Variants in PTPRA observed in about 807,000 individuals in gnomAD.
The protein encoded by PTPRA is receptor-type tyrosine-protein phosphatase alpha.
A neutral mutation model predicts 104.8 loss-of-function variants in PTPRA; 25 were observed. The ratio of observed to expected loss-of-function variants is 0.24; its 90% CI spans 0.17 to 0.33. The LOEUF (loss-of-function observed/expected upper bound fraction) is 0.33, where lower values mean the gene tolerates loss of function less well. Ranked by LOEUF, PTPRA falls within the 10% of genes least tolerant of loss-of-function variation. The probability of loss-of-function intolerance (pLI) is 1.00; values close to 1 mark genes in which losing one functional copy is unlikely to be tolerated. For synonymous variants in PTPRA, 323 were observed against 368.9 expected (o/e 0.88, Z 1.43); for missense variants, 765 against 1,015.3 (o/e 0.75, Z 3.35).
intron 3 of PTPRA, among the ~76,000 whole-genome samples, chr20:2,956,949 G>A (rs1366744889): frequency 6.6e-6 from 1 of 152,190 alleles, no homozygotes; most frequent in Admixed American, 6.5e-5. Context: ...TGCCAATGCA[G>A]CATTATCAAA....
chr20:2,876,808 T>C (rs899590797), intron 1 of PTPRA, among the ~76,000 whole-genome samples: 6 of 152,198 alleles, frequency 3.9e-5, no homozygotes, highest in African/African-American at 1.4e-4. Context: ...CCAAAGTGTA[T>C]AGCTGGATAG....
chr20:2,936,462 C>CT (rs1163120264), intron 2 of PTPRA, among the ~76,000 whole-genome samples: 2 of 151,360 alleles, frequency 1.3e-5, no homozygotes, highest in African/African-American at 4.9e-5. Flanking sequence ...CATGCCTGGC[C>CT]TAGGTCTTTT....
chr20:2,923,536 C>T (rs1007251429), intron 2 of PTPRA, among the ~76,000 whole-genome samples: 9 of 151,582 alleles, frequency 5.9e-5, no homozygotes, highest in Non-Finnish European at 1.0e-4. Context: ...TGGTGGATCA[C>T]GCCTGTAATC....
At chr20:3,002,462 G>A (rs1343725649) in intron 9 of PTPRA, among the ~76,000 whole-genome samples, 1 of 151,724 alleles carries the variant, frequency 6.6e-6, no homozygotes, top group Non-Finnish European at 1.5e-5. Context: ...AAGTAGCTGG[G>A]GTTACAGGCA....
At chr20:3,020,066 AAG>A (rs954901618) in intron 13 of PTPRA, among the ~76,000 whole-genome samples, 6 of 151,824 alleles carry the variant, frequency 4.0e-5, no homozygotes, top group African/African-American at 1.2e-4. Context: ...AGACCGTGGA[AAG>A]AGAGGGAGAG....
At chr20:3,030,604 C>A (rs2065392980) in intron 20 of PTPRA, among the ~76,000 whole-genome samples, 1 of 151,684 alleles carries the variant, frequency 6.6e-6, no homozygotes, top group South Asian at 2.1e-4. Context: ...AAAATTCGAT[C>A]CCATAATATA....
At chr20:2,896,373 C>T (rs996827105) in intron 1 of PTPRA, among the ~76,000 whole-genome samples, 10 of 152,054 alleles carry the variant, frequency 6.6e-5, no homozygotes, top group South Asian at 2.1e-4. Context: ...AGGGAGACTC[C>T]GTCTCAAAAA....
chr20:3,016,607 G>A (rs180808481), intron 12 of PTPRA, among the ~76,000 whole-genome samples: 17 of 152,302 alleles, frequency 1.1e-4, no homozygotes, highest in Admixed American at 5.9e-4. Context: ...AGGCGTGGTG[G>A]CACACACCTG....
At chr20:3,032,506 G>T (rs151333986) in intron 20 of PTPRA, among the ~76,000 whole-genome samples, 1 of 152,140 alleles carries the variant, frequency 6.6e-6, no homozygotes, top group Non-Finnish European at 1.5e-5. Context: ...GGTGGCTCAC[G>T]CCTGTAATCC....
rs2148433760 is a variant in PTPRA at position 3,022,187 on chromosome 20, C to T, written c.1295C>T (p.Pro432Leu). 6.2e-7 allele frequency: 1 copy of T among 1,614,220 alleles called. No individual in the cohort carries two copies. The highest frequency in any genetic ancestry group is 8.5e-7 in the Non-Finnish European group (1 of 1,180,034). ...KFLKKVKACN[P>L]QYAGAIVVHC... is the part of the protein sequence containing the mutation. ...CTCAAGAAGGTGAAGGCCTGTAACC[C>T]TCAGTATGCAGGGGCCATCGTGGTC... The change falls in exon 15 of 24, where the codon CCT becomes CTT. Residue 432 changes from proline to leucine, a missense_variant. Physicochemically the swap from Pro to Leu is moderately conservative, Grantham distance 98 (BLOSUM62 -3). This residue lies in a region of PTPRA where 245 missense variants were observed against 398.7 expected (regional missense o/e 0.61). Transcript: ENST00000399903. The surrounding 1 kb of genome is among the most constrained non-coding windows in gnomAD (Gnocchi z 4.6).
In PTPRA at chr20:3,025,598, G is replaced by A. The variant is rs375618440; in HGVS notation, c.1614+977G>A. Among the ~76,000 whole-genome samples, 6 of 151,158 alleles carry A rather than the reference G, an allele frequency of 4.0e-5. No individual in the cohort carries two copies. The South Asian group carries it at 1.0e-3, about 26-fold the overall frequency. ...TCAAGATGTGGGTTCTGCCAGGCAC[G>A]GTGGCTAATGCCTGTAATCCCAGCA... On this transcript the variant is annotated intron_variant, in intron 17 of 23. Transcript: ENST00000399903.
At chr20:2,945,964 A>G (rs773217425) in intron 2 of PTPRA, among the ~76,000 whole-genome samples, 7 of 151,826 alleles carry the variant, frequency 4.6e-5, no homozygotes, top group East Asian at 1.9e-4. Flanking sequence ...ATATATATCT[A>G]TATCTTTAAG....
intron 1 of PTPRA, among the ~76,000 whole-genome samples, chr20:2,890,082 G>A (rs1265811433): frequency 7.1e-6 from 1 of 141,588 alleles, no homozygotes; most frequent in Non-Finnish European, 1.5e-5. Context: ...TTTTTTTGTA[G>A]AGATGAGGCC....
intron 20 of PTPRA, among the ~76,000 whole-genome samples, chr20:3,034,998 C>T (rs2065727572): frequency 6.6e-6 from 1 of 152,106 alleles, no homozygotes; most frequent in African/African-American, 2.4e-5. Context: ...GACGCAGCCA[C>T]TCCCACAAGG....
chr20:2,874,250 G>A (rs1301751447), intron 1 of PTPRA, among the ~76,000 whole-genome samples: 2 of 152,126 alleles, frequency 1.3e-5, no homozygotes, highest in Non-Finnish European at 2.9e-5. Flanking sequence ...TGTTGAGGCT[G>A]TTTAAGAAGG....
chr20:2,877,445 G>C (rs1198370004), intron 1 of PTPRA, among the ~76,000 whole-genome samples: 1 of 152,138 alleles, frequency 6.6e-6, no homozygotes. Flanking sequence ...TTTTAGTAAA[G>C]ACGGGGTTTC....
At chr20:2,867,755 A>G in the PTPRA span, among the ~76,000 whole-genome samples, 1 of 152,336 alleles carries the variant, frequency 6.6e-6, no homozygotes, top group Admixed American at 6.5e-5. Flanking sequence ...CTGGAGCTTC[A>G]GGCCTCTCCC....
chr20:2,920,399 C>A (rs138766861), intron 1 of PTPRA, among the ~76,000 whole-genome samples: 1 of 152,274 alleles, frequency 6.6e-6, no homozygotes, highest in South Asian at 2.1e-4. Flanking sequence ...CAAAACCAGA[C>A]AGACATTTCC....
At chr20:3,008,216 C>T (rs889601233) in intron 11 of PTPRA, among the ~76,000 whole-genome samples, 1 of 152,164 alleles carries the variant, frequency 6.6e-6, no homozygotes, top group Non-Finnish European at 1.5e-5. Flanking sequence ...GGGAGCACTC[C>T]AAGTGTCCAT....
Sources: gnomAD v4.1 joint callset for allele counts (sites outside exome capture counted in the v4.1 genomes callset) on GRCh38, gnomAD v4.1.1 for gene constraint, gnomAD v4.1.1 regional missense constraint, Gnocchi (gnomAD v3.1) non-coding constraint, MANE v1.5 for transcripts, NCBI Gene and HGNC (gene_info 2026-07-23, HGNC 2026-07-21) for gene names.